The following CARD19 variants were observed in gnomAD, a reference collection of about 807,000 sequenced individuals.
CARD19 encodes caspase recruitment domain family member 19, also known as caspase recruitment domain-containing protein 19.
Under a neutral mutation model 24.1 loss-of-function variants are expected in CARD19, and 25 were observed. The observed-to-expected ratio is 1.04, with a 90% CI of 0.76 to 1.45. The LOEUF (loss-of-function observed/expected upper bound fraction) is 1.45, where lower values mean the gene tolerates loss of function less well. Among genes scored for constraint, CARD19 ranks in the 40% most tolerant of loss-of-function variants. The pLI, the probability that CARD19 is intolerant of heterozygous loss-of-function variation, is 0.00. For synonymous variants in CARD19, 103 were observed against 104.9 expected (o/e 0.98, Z 0.11); for missense variants, 241 against 247.4 (o/e 0.97, Z 0.17).
At chr9:93,110,884 G>A (rs960502447) in intron 3 of CARD19, 163 bp downstream of exon 3, 80 of 1,533,124 alleles carry the variant, frequency 5.2e-5, no homozygotes, top group Non-Finnish European at 5.9e-5. Flanking sequence ...CCACCCTCTG[G>A]CCCCGAGGGG....
intron 2 of CARD19, 99 bp from the exon 3 acceptor site, chr9:93,110,469 C>A: frequency 6.6e-7 from 1 of 1,506,136 alleles, no homozygotes. Flanking sequence ...TGACACCCAA[C>A]AGGGAAGCTG....
intron 1 of CARD19, among the ~76,000 whole-genome samples, chr9:93,097,659 G>C (rs1826929855): frequency 6.6e-6 from 1 of 151,928 alleles, no homozygotes; most frequent in Non-Finnish European, 1.5e-5. Flanking sequence ...CTGTCCCAGG[G>C]ACTGGGTGTT....
chr9:93,105,161 GGT>G (rs150097957), intron 1 of CARD19, among the ~76,000 whole-genome samples: 2,223 of 146,208 alleles, frequency 0.015, 61 homozygotes, highest in African/African-American at 0.052. Flanking sequence ...CGCGGTGTAA[GGT>G]GTGTGTGTGT....
rs141857568 is a variant in CARD19 at position 93,111,938 on chromosome 9, G to T, written c.364G>T (p.Gly122Ter). Reference sequence around the variant, plus strand: ...CCAGAGCGGCGAGCTGAGTAACAGGGGTAACACCTCCCTGCTGCCCCTCCC... The same window carrying T: ...CCAGAGCGGCGAGCTGAGTAACAGGTGTAACACCTCCCTGCTGCCCCTCCC... Reference protein sequence around the residue: ...GSQSGELSNRGPMSFLAGLGL... With the variant: ...GSQSGELSNR The change falls in exon 4 of 6, where the codon GGA (glycine) becomes TGA (stop). Residue 122 changes from glycine (G) to a stop codon, truncating the protein, a stop_gained and splice_region_variant. Coordinates refer to ENST00000375464, the MANE Select transcript of CARD19 (RefSeq NM_032310.5). LOFTEE classifies it high-confidence loss of function. The T allele has an allele frequency of 1.3e-4, 213 of 1,610,700 alleles. No individual in the cohort carries two copies. The highest frequency in any genetic ancestry group is 4.2e-4 in the Middle Eastern group (2 of 4,712).
chr9:93,110,510 C>T, intron 2 of CARD19, 58 bp from the exon 3 acceptor site: 3 of 1,544,394 alleles, frequency 1.9e-6, no homozygotes, highest in Non-Finnish European at 2.6e-6. Flanking sequence ...GTGCCCTGCC[C>T]TGACCCACAG....
At chr9:93,108,112 CAT>C (rs774867481) in intron 2 of CARD19, among the ~76,000 whole-genome samples, 3 of 152,020 alleles carry the variant, frequency 2.0e-5, no homozygotes, top group Non-Finnish European at 2.9e-5. Flanking sequence ...CAGGAGATAA[CAT>C]GTGACAATAC....
At chr9:93,105,626 T>C (rs910732940) in intron 1 of CARD19, among the ~76,000 whole-genome samples, 1 of 152,214 alleles carries the variant, frequency 6.6e-6, no homozygotes, top group African/African-American at 2.4e-5. Flanking sequence ...TTTTTAGTTT[T>C]CTATTATTGA....
intron 1 of CARD19, among the ~76,000 whole-genome samples, chr9:93,098,211 C>T (rs1345639097): frequency 6.6e-6 from 1 of 152,226 alleles, no homozygotes; most frequent in Admixed American, 6.5e-5. Context: ...GAGGTTGATG[C>T]CCAAGTGTCT....
intron 1 of CARD19, among the ~76,000 whole-genome samples, chr9:93,100,714 C>T (rs1827046217): frequency 1.3e-5 from 2 of 152,180 alleles, no homozygotes; most frequent in Non-Finnish European, 2.9e-5. Context: ...TAAACAATAA[C>T]TCCCCTTTCT....
At chr9:93,105,114 T>G (rs1369826487) in intron 1 of CARD19, among the ~76,000 whole-genome samples, 1 of 152,136 alleles carries the variant, frequency 6.6e-6, no homozygotes. Flanking sequence ...TAATTTTCCC[T>G]CTCAGCATTG....
In CARD19 at chr9:93,113,037, CT is replaced by C. The variant is rs1827566198; in HGVS notation, c.483del (p.Val162SerfsTer19). On this transcript the variant is annotated frameshift_variant, in exon 6 of 6. Transcript: ENST00000375464. LOFTEE classifies it high-confidence loss of function. ...PGTRRVLGFS[P>X]VIIDRHVSRY... The stretch of plus-strand genomic sequence containing the variant: ...ACCCGGCGCGTCCTCGGTTTCTCGC[CT>C]GTCATCATCGACAGACATGTCAGCC... The C allele has an allele frequency of 6.2e-7, 1 of 1,608,914 alleles. No individual in the cohort carries two copies. Among genetic ancestry groups the C allele is most frequent in the Non-Finnish European group, 8.5e-7 (1 of 1,177,584 alleles).
intron 1 of CARD19, among the ~76,000 whole-genome samples, chr9:93,098,281 A>C (rs187500901): frequency 7.2e-5 from 11 of 152,366 alleles, no homozygotes; most frequent in African/African-American, 2.6e-4. Context: ...GTAGAACAGC[A>C]AGGTGAACAT....
chr9:93,110,304 C>G (rs1037036546), intron 2 of CARD19: 13 of 498,762 alleles, frequency 2.6e-5, no homozygotes, highest in Non-Finnish European at 3.8e-5. Context: ...CAGCCCCATG[C>G]TTTCTTTGTG....
intron 1 of CARD19, among the ~76,000 whole-genome samples, chr9:93,097,059 G>A (rs982053885): frequency 6.6e-6 from 1 of 152,220 alleles, no homozygotes; most frequent in Admixed American, 6.5e-5. Flanking sequence ...ATCCCAAACA[G>A]GGTGACTCTG....
rs1472679028 is a variant in CARD19 at position 93,113,037 on chromosome 9, C to T, written c.482C>T (p.Pro161Leu). 1.9e-6 allele frequency: 3 copies of T among 1,609,032 alleles called. No homozygotes were observed. In the East Asian group the frequency reaches 6.7e-5, roughly 36 times the overall value. Residue 161 changes from proline (P) to leucine (L), a missense_variant, in exon 6 of 6, where the codon CCT becomes CTT. Pro to Leu is a moderately conservative substitution (Grantham distance 98). Coordinates refer to ENST00000375464, the MANE Select transcript of CARD19 (RefSeq NM_032310.5). ...PGTRRVLGFS[P>L]VIIDRHVSRY... ...ACCCGGCGCGTCCTCGGTTTCTCGCCTGTCATCATCGACAGACATGTCAGC... is the reference window on the plus strand; with the variant it reads ...ACCCGGCGCGTCCTCGGTTTCTCGCTTGTCATCATCGACAGACATGTCAGC...
At chr9:93,110,079 C>T (rs932604351) in intron 2 of CARD19, 36 of 161,206 alleles carry the variant, frequency 2.2e-4, no homozygotes, top group Admixed American at 6.9e-4. Flanking sequence ...CTGCAAGCTC[C>T]GCCTCCCGGG....
At chr9:93,110,938 C>T in intron 3 of CARD19, 1 of 1,530,940 alleles carries the variant, frequency 6.5e-7, no homozygotes, top group Non-Finnish European at 8.7e-7. Flanking sequence ...GTCTCTGTCT[C>T]CCACTTTCTC....
intron 1 of CARD19, among the ~76,000 whole-genome samples, chr9:93,105,294 T>C (rs1016897597): frequency 5.9e-5 from 9 of 152,098 alleles, no homozygotes; most frequent in Admixed American, 2.0e-4. Context: ...TTTGTTTGTT[T>C]GTTTGAGACA....
intron 1 of CARD19, among the ~76,000 whole-genome samples, chr9:93,101,022 G>C (rs150372503): frequency 6.6e-6 from 1 of 152,176 alleles, no homozygotes; most frequent in East Asian, 1.9e-4. Flanking sequence ...ATTTTGAATA[G>C]TGCTGCTATG....
Sources: gnomAD v4.1 joint callset for allele counts (sites outside exome capture counted in the v4.1 genomes callset) on GRCh38, gnomAD v4.1.1 for gene constraint, MANE v1.5 for transcripts, NCBI Gene and HGNC (gene_info 2026-07-23, HGNC 2026-07-21) for gene names.